FHIP1A: variants seen among roughly 807,000 people sequenced by gnomAD.
FHIP1A encodes the protein FHF complex subunit HOOK interacting protein 1A.
Under a neutral mutation model 88.6 loss-of-function variants are expected in FHIP1A, and 61 were observed. The observed-to-expected ratio is 0.69, with a 90% confidence interval of 0.56 to 0.85. The LOEUF (loss-of-function observed/expected upper bound fraction) is 0.85, where lower values mean the gene tolerates loss of function less well. Ranked by LOEUF, FHIP1A falls within the 40% of genes least tolerant of loss-of-function variation. The pLI is 0.00. For missense variants in FHIP1A, 1,154 were observed against 1,273.5 expected, an observed-to-expected ratio of 0.91 and a Z score of 1.43; for synonymous variants, 478 against 496.0, an observed-to-expected ratio of 0.96 and a Z score of 0.48.
chr4:151,416,230 T>C (rs1171341855), intron 1 of FHIP1A, among the ~76,000 whole-genome samples: 2 of 152,244 alleles, frequency 1.3e-5, no homozygotes, highest in Non-Finnish European at 2.9e-5. Flanking sequence ...ATTTCAGGAA[T>C]TCCTGTGGCA....
At chr4:151,618,129 A>G (rs1289756716) in intron 7 of FHIP1A, among the ~76,000 whole-genome samples, 2 of 152,224 alleles carry the variant, frequency 1.3e-5, no homozygotes, top group Non-Finnish European at 2.9e-5. Flanking sequence ...AGTATATTGT[A>G]CAGCTGGAAA....
chr4:151,495,360 G>A (rs996249359), intron 3 of FHIP1A, among the ~76,000 whole-genome samples: 1 of 151,936 alleles, frequency 6.6e-6, no homozygotes, highest in Admixed American at 6.6e-5. Flanking sequence ...AAATTAGCTG[G>A]ATGTGGTAGC....
intron 3 of FHIP1A, among the ~76,000 whole-genome samples, chr4:151,545,750 T>C (rs1023174049): frequency 6.6e-6 from 1 of 152,130 alleles, no homozygotes; most frequent in African/African-American, 2.4e-5. Flanking sequence ...ACAAAGGATG[T>C]AACTAGTTGA....
chr4:151,484,342 A>G (rs955993024), intron 3 of FHIP1A, among the ~76,000 whole-genome samples: 4 of 152,212 alleles, frequency 2.6e-5, no homozygotes, highest in African/African-American at 9.7e-5. Context: ...TGGTTTGGAA[A>G]AGGTCAGAAA....
At chr4:151,552,369 A>T (rs1732771804) in intron 3 of FHIP1A, among the ~76,000 whole-genome samples, 2 of 152,218 alleles carry the variant, frequency 1.3e-5, no homozygotes, top group African/African-American at 2.4e-5. Context: ...ATAAAGTCAC[A>T]TGCACATATA....
At chr4:151,537,308 T>C (rs1732106281) in intron 3 of FHIP1A, among the ~76,000 whole-genome samples, 1 of 152,204 alleles carries the variant, frequency 6.6e-6, no homozygotes, top group Admixed American at 6.5e-5. Context: ...ATTTAAGCCA[T>C]GCTGATAGAT....
At chr4:151,504,869 C>G (rs955967221) in intron 3 of FHIP1A, among the ~76,000 whole-genome samples, 1 of 152,134 alleles carries the variant, frequency 6.6e-6, no homozygotes, top group African/African-American at 2.4e-5. Context: ...CCACGCACCT[C>G]GGCCTCCCAA....
intron 7 of FHIP1A, among the ~76,000 whole-genome samples, chr4:151,618,106 A>T (rs569777580): frequency 6.6e-6 from 1 of 152,316 alleles, no homozygotes; most frequent in African/African-American, 2.4e-5. Flanking sequence ...TCTTTTGTGT[A>T]TCCTCAGCTG....
chr4:151,523,003 C>T (rs1315667360), intron 3 of FHIP1A, among the ~76,000 whole-genome samples: 1 of 152,170 alleles, frequency 6.6e-6, no homozygotes, highest in Non-Finnish European at 1.5e-5. Context: ...ATCATTTATA[C>T]ACTGTCACTG....
rs549838160 is a variant in FHIP1A at position 151,553,282 on chromosome 4, A to G, written c.-122-12856A>G. 1.2e-4 allele frequency among the ~76,000 whole-genome samples: 18 copies of G among 152,320 alleles called. No homozygotes were observed. The South Asian group carries it at 3.5e-3, about 30-fold the overall frequency. ...AACAATTACAAGAAAAGTACATATA[A>G]TTAAATCTTAATTTGCTAATTTAAA... On this transcript the variant is annotated intron_variant, in intron 3 of 13. Coordinates refer to ENST00000435205, the MANE Select transcript of FHIP1A (RefSeq NM_001109977.3).
chr4:151,460,236 A>T (rs916860624), intron 2 of FHIP1A, among the ~76,000 whole-genome samples: 5 of 152,164 alleles, frequency 3.3e-5, no homozygotes, highest in African/African-American at 1.2e-4. Context: ...TCTTCCTGTT[A>T]TTAGGTTTAA....
intron 3 of FHIP1A, among the ~76,000 whole-genome samples, chr4:151,523,672 G>C (rs1324199936): frequency 6.6e-6 from 1 of 152,164 alleles, no homozygotes; most frequent in Non-Finnish European, 1.5e-5. Flanking sequence ...GGTGGATTAT[G>C]TCCATTTGTC....
chr4:151,437,542 G>A (rs969965377), intron 1 of FHIP1A, among the ~76,000 whole-genome samples: 2 of 152,130 alleles, frequency 1.3e-5, no homozygotes, highest in African/African-American at 2.4e-5. Flanking sequence ...TGAGGGTTTC[G>A]AAGTTGCTTT....
At chr4:151,517,122 A>T (rs984115478) in intron 3 of FHIP1A, among the ~76,000 whole-genome samples, 7 of 152,240 alleles carry the variant, frequency 4.6e-5, no homozygotes, top group Non-Finnish European at 1.0e-4. Context: ...CTATGCAGCC[A>T]TAAAAAATGA....
At chr4:151,430,949 T>C (rs1400076870) in intron 1 of FHIP1A, among the ~76,000 whole-genome samples, 1 of 152,204 alleles carries the variant, frequency 6.6e-6, no homozygotes, top group Non-Finnish European at 1.5e-5. Flanking sequence ...TTCATTTGCT[T>C]TTTGTTTTGT....
intron 3 of FHIP1A, among the ~76,000 whole-genome samples, chr4:151,496,602 G>T (rs981785699): frequency 6.6e-6 from 1 of 151,884 alleles, no homozygotes; most frequent in Non-Finnish European, 1.5e-5. Flanking sequence ...AGGCTAGGGT[G>T]CAGTGGCACA....
intron 2 of FHIP1A, among the ~76,000 whole-genome samples, chr4:151,474,865 C>T (rs1431894958): frequency 6.6e-6 from 1 of 152,146 alleles, no homozygotes; most frequent in African/African-American, 2.4e-5. Context: ...CCAGGGAATT[C>T]TTTGGAGGCC....
At chr4:151,547,843 G>A (rs1218951469) in intron 3 of FHIP1A, among the ~76,000 whole-genome samples, 1 of 152,064 alleles carries the variant, frequency 6.6e-6, no homozygotes, top group Non-Finnish European at 1.5e-5. Context: ...GAACCTGGGA[G>A]GTAGAGGTTG....
chr4:151,507,021 C>T (rs1730859153), intron 3 of FHIP1A, among the ~76,000 whole-genome samples: 1 of 152,156 alleles, frequency 6.6e-6, no homozygotes, highest in Non-Finnish European at 1.5e-5. Context: ...ATCTTGAACA[C>T]AAGGTACTTG....
Sources: gnomAD v4.1 joint callset for allele counts (sites outside exome capture counted in the v4.1 genomes callset) on GRCh38, gnomAD v4.1.1 for gene constraint, MANE v1.5 for transcripts, NCBI Gene and HGNC (gene_info 2026-07-23, HGNC 2026-07-21) for gene names.